FAM217B: variants seen among roughly 807,000 people sequenced by gnomAD.
The protein encoded by FAM217B is protein FAM217B.
For missense variants in FAM217B, 463 were observed against 456.9 expected, an observed-to-expected ratio of 1.01 and a Z score of -0.12; for synonymous variants, 163 against 173.0, an observed-to-expected ratio of 0.94 and a Z score of 0.45.
chr20:59,944,638 C>A lies in FAM217B; in HGVS notation c.695C>A (p.Ser232Tyr). Residue 232 changes from serine (S) to tyrosine (Y), a missense_variant, in exon 4 of 4, where the codon TCC becomes TAC. Transcript: ENST00000360816. ...GRSKLIASAL[S>Y]KPLPHQEGAS... is the part of the protein sequence containing the mutation. ...AGTAAGCTAATTGCTAGTGCTCTGTCCAAGCCACTACCTCACCAGGAAGGG... is the reference window on the plus strand; with the variant it reads ...AGTAAGCTAATTGCTAGTGCTCTGTACAAGCCACTACCTCACCAGGAAGGG... 6.2e-7 allele frequency: 1 copy of A among 1,614,084 alleles called. No individual in the cohort carries two copies. Among genetic ancestry groups the A allele is most frequent in the Non-Finnish European group, 8.5e-7 (1 of 1,180,020 alleles).
In FAM217B at chr20:59,946,409, G is replaced by GC; in HGVS notation, c.*1315dup. 6.0e-6 allele frequency: 1 copy of GC among 166,774 alleles called. No individual in the cohort carries two copies. The highest frequency in any genetic ancestry group is 1.5e-5 in the Non-Finnish European group (1 of 68,092). The allele number at this position is 166,774 out of a possible 1,614,324, so 10.3% of individuals were successfully genotyped here. A position where few individuals can be genotyped will look rare whatever the true frequency, so the allele number is the denominator to read the frequency against. On this transcript the variant is annotated 3_prime_UTR_variant, in exon 4 of 4. Coordinates refer to ENST00000360816, the MANE Select transcript of FAM217B (RefSeq NM_022106.3). ...ACCTTGGGGGCAAATGAAAAACTTG[G>GC]CATTTTTCATTTGGGAACATATAAT...
Position 59,945,279 on chromosome 20 carries a change from A to G in FAM217B, c.*184A>G, listed in dbSNP as rs1036004871. ...TATTTTCAAAGGGAAGTGTCTTTCA[A>G]TAAGCCTTTCTTTGTATTGTCAGTC... is the stretch of plus-strand genomic sequence containing the variant. On this transcript the variant is annotated 3_prime_UTR_variant, in exon 4 of 4. Coordinates refer to ENST00000360816, the MANE Select transcript of FAM217B (RefSeq NM_022106.3). 7 of 554,032 alleles carry G rather than the reference A, an allele frequency of 1.3e-5. No individual in the cohort carries two copies. In the African/African-American group the frequency reaches 1.3e-4, roughly 11 times the overall value. The allele number at this position is 554,032 out of a possible 1,614,324, so 34.3% of individuals were successfully genotyped here. A position where few individuals can be genotyped will look rare whatever the true frequency, so the allele number is the denominator to read the frequency against.
chr20:59,940,315 C>G (rs965684297), upstream of FAM217B: 5 of 168,784 alleles, frequency 3.0e-5, no homozygotes, highest in African/African-American at 9.6e-5. Context: ...TGCAACTTGA[C>G]CGGGTGCAAC....
chr20:59,941,512 A>G (rs1447881716), intron 1 of FAM217B, among the ~76,000 whole-genome samples: 1 of 152,236 alleles, frequency 6.6e-6, no homozygotes, highest in Non-Finnish European at 1.5e-5. Context: ...GTGATACGGG[A>G]AAGAGAAGTA....
At chr20:59,943,891 A>G in intron 3 of FAM217B, 49 bp from the exon 4 acceptor site, 1 of 1,447,930 alleles carries the variant, frequency 6.9e-7, no homozygotes, top group Non-Finnish European at 9.3e-7. Flanking sequence ...TTATAGCCAG[A>G]CCATTTTTTG....
chr20:59,939,389 A>G (rs780359967), upstream of FAM217B: 7 of 1,610,802 alleles, frequency 4.3e-6, no homozygotes, highest in Non-Finnish European at 5.9e-6. Context: ...AGCAAGTGAC[A>G]CGCTCCAGGC....
upstream of FAM217B, chr20:59,937,957 A>C (rs1379579407): frequency 6.6e-6 from 1 of 152,274 alleles, no homozygotes; most frequent in East Asian, 1.9e-4. Flanking sequence ...ACAATTTAAA[A>C]GTATAAATAT....
At chr20:59,943,283 A>G (rs2060915650) in intron 3 of FAM217B, among the ~76,000 whole-genome samples, 3 of 152,306 alleles carry the variant, frequency 2.0e-5, no homozygotes, top group South Asian at 4.1e-4. Context: ...GTTTTCATTC[A>G]TATGTGTTAC....
At chr20:59,937,976 TA>T (rs1401051797), upstream of FAM217B, 1 of 152,256 alleles carries the variant, frequency 6.6e-6, no homozygotes, top group Non-Finnish European at 1.5e-5. Flanking sequence ...ATTTGTCAAT[TA>T]TTTTTCCTCC....
chr20:59,944,838 A>G lies in FAM217B; in HGVS notation c.895A>G (p.Lys299Glu), dbSNP rs375612495. ...RTEEKKKKSSKSTKLQRWDLS... is the reference protein window; with the variant it reads ...RTEEKKKKSSESTKLQRWDLS... ...AGAAGAAAAGAAAAAGAAATCAAGTAAGAGTACGAAGCTGCAGCGCTGGGA... is the reference window on the plus strand; with the variant it reads ...AGAAGAAAAGAAAAAGAAATCAAGTGAGAGTACGAAGCTGCAGCGCTGGGA... The change falls in exon 4 of 4, where the codon AAG becomes GAG. Residue 299 changes from lysine to glutamate, a missense_variant. Lys to Glu is a moderately conservative substitution (Grantham distance 56). Coordinates refer to ENST00000360816, the MANE Select transcript of FAM217B (RefSeq NM_022106.3). 1.1e-4 allele frequency: 171 copies of G among 1,614,074 alleles called. No homozygotes were observed. Among genetic ancestry groups the G allele is most frequent in the Non-Finnish European group, 1.4e-4 (163 of 1,180,038 alleles).
At chr20:59,938,855 A>T, upstream of FAM217B, 1 of 527,226 alleles carries the variant, frequency 1.9e-6, no homozygotes, top group Non-Finnish European at 3.0e-6. Flanking sequence ...CAAGTGACTC[A>T]GACGTTTCAA....
chr20:59,946,340 A>G lies in FAM217B; in HGVS notation c.*1245A>G, dbSNP rs538232224. On this transcript the variant is annotated 3_prime_UTR_variant, in exon 4 of 4. Coordinates refer to ENST00000360816, the MANE Select transcript of FAM217B (RefSeq NM_022106.3). ...ATTATAGTTGATTTTATCCCTTTAA[A>G]CAATTACTGTATTTGTTTTTGACGT... The G allele has an allele frequency of 4.3e-4, 72 of 167,106 alleles. No homozygotes were observed. Among genetic ancestry groups the G allele is most frequent in the African/African-American group, 1.7e-3 (72 of 41,524 alleles). The allele number at this position is 167,106 out of a possible 1,614,324, so 10.4% of individuals were successfully genotyped here. A position where few individuals can be genotyped will look rare whatever the true frequency, so the allele number is the denominator to read the frequency against.
chr20:59,939,391 G>A (rs2060883837), upstream of FAM217B: 2 of 1,610,520 alleles, frequency 1.2e-6, no homozygotes, highest in East Asian at 2.2e-5. Context: ...CAAGTGACAC[G>A]CTCCAGGCAC....
intron 1 of FAM217B, among the ~76,000 whole-genome samples, chr20:59,934,070 C>G (rs1196520717): frequency 6.6e-6 from 1 of 152,144 alleles, no homozygotes; most frequent in East Asian, 1.9e-4. Context: ...GTCCCCAGAG[C>G]CACTGGGACC....
intron 1 of FAM217B, among the ~76,000 whole-genome samples, chr20:59,941,895 T>G (rs2060907619): frequency 1.3e-5 from 2 of 151,962 alleles, no homozygotes. Context: ...AGGAAGATTA[T>G]ACCTGTGTGT....
Position 59,945,631 on chromosome 20 carries a change from G to A in FAM217B, c.*536G>A, listed in dbSNP as rs139757889. ...AAGCTTTAGTTCTTCCTCAAGTCAG[G>A]GAGTAGTGAGTTTGTATTTTGAGTA... On this transcript the variant is annotated 3_prime_UTR_variant, in exon 4 of 4. Transcript: ENST00000360816. 774 of 167,548 alleles carry A rather than the reference G, an allele frequency of 4.6e-3. 3 individuals are homozygous for A. Among genetic ancestry groups the A allele is most frequent in the Middle Eastern group, 0.044 (13 of 296 alleles). 10.4% of individuals were successfully genotyped at this position (167,548 alleles called of 1,614,324 possible).
rs573099799 is a variant in FAM217B at position 59,946,478 on chromosome 20, T to C, written c.*1383T>C. ...ACAGCAGTAAATGTCTGAAAAAATA[T>C]CAAAAACAGCATAAAGACAAGATTA... On this transcript the variant is annotated 3_prime_UTR_variant, in exon 4 of 4. Transcript: ENST00000360816. 14 of 166,992 alleles carry C rather than the reference T, an allele frequency of 8.4e-5. No homozygotes were observed. Among genetic ancestry groups the C allele is most frequent in the African/African-American group, 3.1e-4 (13 of 41,544 alleles). The allele number at this position is 166,992 out of a possible 1,614,324, so 10.3% of individuals were successfully genotyped here. A position where few individuals can be genotyped will look rare whatever the true frequency, so the allele number is the denominator to read the frequency against.
upstream of FAM217B, among the ~76,000 whole-genome samples, chr20:59,935,757 G>C (rs1490024707): frequency 6.6e-6 from 1 of 152,198 alleles, no homozygotes; most frequent in Non-Finnish European, 1.5e-5. Flanking sequence ...TTGGTGACAA[G>C]GCAAGACCTT....
At chr20:59,936,654 T>C (rs1196754130), upstream of FAM217B, 1 of 152,250 alleles carries the variant, frequency 6.6e-6, no homozygotes, top group Non-Finnish European at 1.5e-5. Context: ...ACAACTCTGC[T>C]ACTGACGCTG....
Sources: allele counts gnomAD v4.1 joint callset (sites outside exome capture counted in the v4.1 genomes callset), GRCh38; gene constraint gnomAD v4.1.1; transcripts MANE v1.5; gene names NCBI Gene and HGNC (gene_info 2026-07-23, HGNC 2026-07-21).